Variants in SGCZ observed in about 807,000 individuals in gnomAD.
The protein encoded by SGCZ is sarcoglycan zeta, also known as zeta-sarcoglycan.
In SGCZ, 40 loss-of-function variants were observed where a neutral mutation model predicts 41.3. That is an observed-to-expected ratio of 0.97 (90% CI 0.75 to 1.26). The LOEUF is 1.26. Ranked by LOEUF, SGCZ falls within the 50% of genes most tolerant of loss-of-function variation. The probability of loss-of-function intolerance (pLI) is 0.00; values close to 1 mark genes in which losing one functional copy is unlikely to be tolerated. For missense variants in SGCZ, 552 were observed against 369.8 expected (o/e 1.49, Z -4.04); for synonymous variants, 206 against 137.5 (o/e 1.50, Z -3.49).
At chr8:14,993,464 A>G (rs923817371) in intron 1 of SGCZ, among the ~76,000 whole-genome samples, 1 of 152,220 alleles carries the variant, frequency 6.6e-6, no homozygotes, top group South Asian at 2.1e-4. Context: ...AAGATAGACC[A>G]TAAATAAATA....
chr8:14,612,043 G>T (rs918114851), intron 1 of SGCZ, among the ~76,000 whole-genome samples: 1 of 152,140 alleles, frequency 6.6e-6, no homozygotes, highest in African/African-American at 2.4e-5. Context: ...AAATTATTTA[G>T]CATTTGTCCT....
rs553256894 is a variant in SGCZ at position 14,904,202 on chromosome 8, T to C, written c.39+333383A>G. 6.6e-5 allele frequency among the ~76,000 whole-genome samples: 10 copies of C among 152,184 alleles called. No homozygotes were observed. The South Asian group carries it at 1.0e-3, about 16-fold the overall frequency. ...TGCAACTTGAATTGCTGCTCACAGC[T>C]TTCTCTGAAAATTCTTCCCCCTGAA... On this transcript the variant is annotated intron_variant, in intron 1 of 7. Transcript: ENST00000382080.
intron 1 of SGCZ, among the ~76,000 whole-genome samples, chr8:14,576,080 G>T (rs1252639285): frequency 6.6e-6 from 1 of 152,084 alleles, no homozygotes; most frequent in Non-Finnish European, 1.5e-5. Context: ...ATGCTCACAA[G>T]CATAATCAAT....
intron 1 of SGCZ, among the ~76,000 whole-genome samples, chr8:14,942,938 C>T (rs1800324590): frequency 6.6e-6 from 1 of 152,108 alleles, no homozygotes. Flanking sequence ...TCAGAGAGTA[C>T]TATTTAACAT....
intron 1 of SGCZ, among the ~76,000 whole-genome samples, chr8:15,002,330 G>C (rs1375492478): frequency 6.6e-6 from 1 of 152,158 alleles, no homozygotes; most frequent in African/African-American, 2.4e-5. Flanking sequence ...GTAAGGAAAT[G>C]TATAGAATAC....
intron 1 of SGCZ, among the ~76,000 whole-genome samples, chr8:14,831,136 G>A (rs547502773): frequency 2.0e-4 from 31 of 152,248 alleles, no homozygotes; most frequent in African/African-American, 7.2e-4. Flanking sequence ...ATTGAAAAGT[G>A]TATATGTCCA....
intron 2 of SGCZ, among the ~76,000 whole-genome samples, chr8:14,372,868 A>T (rs1238749664): frequency 1.3e-5 from 2 of 152,178 alleles, no homozygotes; most frequent in Non-Finnish European, 2.9e-5. Context: ...GTAGCAGTTC[A>T]CGAGGGACTT....
intron 1 of SGCZ, among the ~76,000 whole-genome samples, chr8:14,757,112 G>T (rs1049991489): frequency 6.6e-6 from 1 of 151,974 alleles, no homozygotes; most frequent in African/African-American, 2.4e-5. Context: ...GCAATGGCAC[G>T]ATCTCAGCCC....
At chr8:14,886,145 C>T (rs1804797367) in intron 1 of SGCZ, among the ~76,000 whole-genome samples, 1 of 150,568 alleles carries the variant, frequency 6.6e-6, no homozygotes, top group African/African-American at 2.4e-5. Flanking sequence ...ATTTTTAAGC[C>T]AGACCGTTAG....
intron 1 of SGCZ, among the ~76,000 whole-genome samples, chr8:15,180,267 C>A (rs1027868186): frequency 2.6e-4 from 40 of 152,110 alleles, no homozygotes; most frequent in African/African-American, 8.0e-4. Flanking sequence ...GTAGAAAGTT[C>A]TTTTCTACAT....
chr8:15,205,425 A>G (rs563030094), intron 1 of SGCZ, among the ~76,000 whole-genome samples: 3 of 152,324 alleles, frequency 2.0e-5, no homozygotes, highest in African/African-American at 7.2e-5. Context: ...AAACAACCCT[A>G]TTAAAAAGTG....
At chr8:14,827,766 T>G (rs1267034777) in intron 1 of SGCZ, among the ~76,000 whole-genome samples, 2 of 152,112 alleles carry the variant, frequency 1.3e-5, no homozygotes, top group Non-Finnish European at 2.9e-5. Flanking sequence ...TTTATATCAT[T>G]TAACTACATG....
chr8:14,669,131 C>A (rs1424755631), intron 1 of SGCZ, among the ~76,000 whole-genome samples: 1 of 151,686 alleles, frequency 6.6e-6, no homozygotes, highest in African/African-American at 2.4e-5. Context: ...GCTCAGGAGT[C>A]CAACACCAGC....
At chr8:14,202,348 C>A (rs1180656240) in intron 4 of SGCZ, among the ~76,000 whole-genome samples, 1 of 152,086 alleles carries the variant, frequency 6.6e-6, no homozygotes, top group Non-Finnish European at 1.5e-5. Context: ...TTGATTTTAG[C>A]CCAGTGAGAC....
chr8:14,189,183 C>A (rs1262160561), intron 4 of SGCZ, among the ~76,000 whole-genome samples: 1 of 152,106 alleles, frequency 6.6e-6, no homozygotes, highest in South Asian at 2.1e-4. Context: ...TTTGTCAAAA[C>A]CACTATCATC....
At chr8:14,898,250 A>G (rs1805276853) in intron 1 of SGCZ, among the ~76,000 whole-genome samples, 1 of 152,144 alleles carries the variant, frequency 6.6e-6, no homozygotes, top group Non-Finnish European at 1.5e-5. Flanking sequence ...ATATGCGGCC[A>G]GAAGCAATTT....
chr8:14,700,513 C>A (rs1809101993), intron 1 of SGCZ, among the ~76,000 whole-genome samples: 1 of 151,772 alleles, frequency 6.6e-6, no homozygotes, highest in Non-Finnish European at 1.5e-5. Context: ...TGAGTACATG[C>A]TCACTACCTG....
At chr8:14,580,039 G>T (rs937719480) in intron 1 of SGCZ, among the ~76,000 whole-genome samples, 1 of 152,170 alleles carries the variant, frequency 6.6e-6, no homozygotes, top group Non-Finnish European at 1.5e-5. Context: ...TTGGCTGAAG[G>T]TTCATTCATG....
intron 1 of SGCZ, among the ~76,000 whole-genome samples, chr8:14,927,253 C>T (rs1799784361): frequency 6.6e-6 from 1 of 151,724 alleles, no homozygotes; most frequent in South Asian, 2.1e-4. Context: ...GGACTACAGG[C>T]GTCCGCCACC....
Sources: gnomAD v4.1 joint callset for allele counts (sites outside exome capture counted in the v4.1 genomes callset) on GRCh38, gnomAD v4.1.1 for gene constraint, MANE v1.5 for transcripts, NCBI Gene and HGNC (gene_info 2026-07-23, HGNC 2026-07-21) for gene names.